The following CLIP2 variants were observed in gnomAD, a reference collection of about 807,000 sequenced individuals.
CLIP2 encodes the protein CAP-Gly domain-containing linker protein 2.
CLIP2 carries 41 observed loss-of-function variants against 111.7 expected under a neutral mutation model. The observed-to-expected ratio is 0.37, with a 90% CI of 0.29 to 0.48. CLIP2 has a LOEUF of 0.48. Ranked by LOEUF, CLIP2 falls within the 20% of genes least tolerant of loss-of-function variation. The pLI is 0.99. For missense variants in CLIP2, 1,160 were observed against 1,422.1 expected (o/e 0.82, Z 2.96); for synonymous variants, 660 against 644.2 (o/e 1.02, Z -0.37).
chr7:74,397,283 G>T (rs782628436), intron 14 of CLIP2, 50 bp downstream of exon 14: 1 of 1,576,894 alleles, frequency 6.3e-7, no homozygotes, highest in Middle Eastern at 1.9e-4. Flanking sequence ...TCCGGGTGGG[G>T]CTGGGCTAGC....
chr7:74,400,070 A>C (rs1190065152), intron 14 of CLIP2, among the ~76,000 whole-genome samples: 5 of 150,744 alleles, frequency 3.3e-5, no homozygotes, highest in Non-Finnish European at 4.4e-5. Flanking sequence ...GAATGGCATG[A>C]ACCCGGGAGG....
At chr7:74,299,776 G>T (rs149231394) in intron 1 of CLIP2, among the ~76,000 whole-genome samples, 17,653 of 151,402 alleles carry the variant, frequency 0.12, 1,409 homozygotes, top group Non-Finnish European at 0.17. Context: ...TCGGCTCACC[G>T]CATCCTCCAC....
intron 1 of CLIP2, among the ~76,000 whole-genome samples, chr7:74,306,688 C>G (rs1318323991): frequency 6.6e-6 from 1 of 152,160 alleles, no homozygotes; most frequent in Non-Finnish European, 1.5e-5. Flanking sequence ...GACTGTTGGT[C>G]TGAATGCCAC....
intron 12 of CLIP2, 140 bp from the exon 13 acceptor site, chr7:74,388,963 A>G (rs1791198345): frequency 1.9e-6 from 2 of 1,032,198 alleles, no homozygotes; most frequent in East Asian, 2.7e-5. Flanking sequence ...CTCTAAAAAA[A>G]CCGTCAAAAC....
At chr7:74,350,187 G>A (rs1789943527) in intron 3 of CLIP2, among the ~76,000 whole-genome samples, 1 of 151,466 alleles carries the variant, frequency 6.6e-6, no homozygotes, top group African/African-American at 2.4e-5. Context: ...GAGTAGCTGG[G>A]ATTATAGGCG....
intron 7 of CLIP2, among the ~76,000 whole-genome samples, chr7:74,361,209 C>CCTTCCTTCCTTCCTTCCTTCCTTCCT (rs1584360324): frequency 7.7e-4 from 15 of 19,586 alleles, no homozygotes; most frequent in African/African-American, 2.4e-3. Flanking sequence ...CCTTCCTTCC[C>CCTTCCTTCCTTCCTTCCTTCCTTCCT]TCCCTCCCTC....
chr7:74,391,032 A>G (rs35712936), intron 13 of CLIP2, among the ~76,000 whole-genome samples: 26,702 of 151,926 alleles, frequency 0.18, 2,514 homozygotes, highest in Middle Eastern at 0.19. Context: ...CTGGGCAACA[A>G]GAGCGAAACT....
At chr7:74,330,455 C>T (rs1282653733) in intron 2 of CLIP2, among the ~76,000 whole-genome samples, 2 of 151,860 alleles carry the variant, frequency 1.3e-5, no homozygotes, top group South Asian at 2.1e-4. Context: ...TGGGGTTTCG[C>T]CATGTTGGCC....
chr7:74,319,898 T>A (rs1309134125), intron 2 of CLIP2, among the ~76,000 whole-genome samples: 1 of 151,388 alleles, frequency 6.6e-6, no homozygotes, highest in Non-Finnish European at 1.5e-5. Flanking sequence ...CCAGGACAGA[T>A]CTGAAGGACA....
At chr7:74,344,107 C>T (rs1789739264) in intron 3 of CLIP2, among the ~76,000 whole-genome samples, 1 of 152,116 alleles carries the variant, frequency 6.6e-6, no homozygotes, top group South Asian at 2.1e-4. Flanking sequence ...AGGTTTAACC[C>T]TAGTTTGATC....
Position 74,397,059 on chromosome 7 carries a change from C to T in CLIP2, c.2721-15C>T, listed in dbSNP as rs781903173. The T allele has an allele frequency of 1.4e-5, 22 of 1,612,040 alleles. No homozygotes were observed. In the South Asian group the frequency reaches 2.3e-4, roughly 17 times the overall value. On this transcript the variant is annotated splice_polypyrimidine_tract_variant and intron_variant, in intron 13 of 16. Coordinates refer to ENST00000223398, the MANE Select transcript of CLIP2 (RefSeq NM_003388.5). ...AGGGCTGAGTGCAGTGGTTCTGTGC[C>T]CGCCTCACCCCCAGGAGCCTGAACG...
Position 74,298,706 on chromosome 7 carries a change from G to T in CLIP2, c.-68+8972G>T, listed in dbSNP as rs185292366. On this transcript the variant is annotated intron_variant, in intron 1 of 16. Transcript: ENST00000223398. ...TGCCACCACACCCAGCTAATTTTTT[G>T]TACTTTTAGTAGAAATGGGATTTCA... Among the ~76,000 whole-genome samples the T allele has an allele frequency of 1.8e-3, 270 of 151,854 alleles. 1 individual carries two copies. The highest frequency in any genetic ancestry group is 3.3e-3 in the African/African-American group (138 of 41,436).
chr7:74,359,291 T>C (rs1028727970), intron 6 of CLIP2, among the ~76,000 whole-genome samples: 2 of 148,398 alleles, frequency 1.3e-5, no homozygotes, highest in Non-Finnish European at 3.0e-5. Flanking sequence ...TTTCTACATA[T>C]CACTGCAGTA....
chr7:74,400,909 C>A (rs1299389429), intron 15 of CLIP2, among the ~76,000 whole-genome samples: 1 of 145,226 alleles, frequency 6.9e-6, no homozygotes, highest in African/African-American at 2.6e-5. Flanking sequence ...GTCCCAGAAG[C>A]CCCCGGTCTG....
At chr7:74,316,092 C>T (rs557749235) in intron 1 of CLIP2, among the ~76,000 whole-genome samples, 12 of 142,010 alleles carry the variant, frequency 8.5e-5, no homozygotes, top group Non-Finnish European at 4.5e-5. Context: ...TCCATGTGTT[C>T]TCATTGTCCA....
intron 1 of CLIP2, among the ~76,000 whole-genome samples, chr7:74,293,976 G>T (rs912548847): frequency 6.6e-6 from 1 of 151,960 alleles, no homozygotes; most frequent in Admixed American, 6.6e-5. Context: ...GAGTGCAGTG[G>T]CATGATCTCA....
intron 1 of CLIP2, among the ~76,000 whole-genome samples, chr7:74,303,594 ATT>A (rs782240875): frequency 1.4e-4 from 15 of 105,596 alleles, no homozygotes; most frequent in Admixed American, 1.9e-4. Flanking sequence ...TGTGTCTCTT[ATT>A]TTTTTTTTTT....
intron 14 of CLIP2, among the ~76,000 whole-genome samples, chr7:74,398,237 T>C: frequency 6.6e-6 from 1 of 152,038 alleles, no homozygotes; most frequent in Non-Finnish European, 1.5e-5. Flanking sequence ...AGTGTGCCTG[T>C]AATCCCAGCT....
rs782759687 is a variant in CLIP2 at position 74,376,664 on chromosome 7, C to G, written c.2263C>G (p.Gln755Glu). 6.8e-6 allele frequency: 11 copies of G among 1,613,404 alleles called. No individual in the cohort carries two copies. Among genetic ancestry groups the G allele is most frequent in the Non-Finnish European group, 9.3e-6 (11 of 1,179,906 alleles). Residue 755 changes from glutamine to glutamate, a missense_variant, in exon 10 of 17, where the codon CAG (glutamine) becomes GAG (glutamate). By Grantham distance (29) the Gln-to-Glu change is conservative (BLOSUM62 2). Coordinates refer to ENST00000223398, the MANE Select transcript of CLIP2 (RefSeq NM_003388.5). The surrounding 1 kb of genome is among the most constrained non-coding windows in gnomAD (Gnocchi z 7.1). ...QAQAIEFLKE[Q>E]ISLAEKKMLD... ...GCAGGCTATCGAGTTCCTCAAGGAGCAGATCTCGCTGGCCGAGAAGAAGAT... is the reference window on the plus strand; with the variant it reads ...GCAGGCTATCGAGTTCCTCAAGGAGGAGATCTCGCTGGCCGAGAAGAAGAT...
Sources: gnomAD v4.1 joint callset for allele counts (sites outside exome capture counted in the v4.1 genomes callset) on GRCh38, gnomAD v4.1.1 for gene constraint, Gnocchi (gnomAD v3.1) non-coding constraint, MANE v1.5 for transcripts, NCBI Gene and HGNC (gene_info 2026-07-23, HGNC 2026-07-21) for gene names.